The following SLCO4A1 variants were observed in gnomAD, a reference collection of about 807,000 sequenced individuals.
The protein encoded by SLCO4A1 is solute carrier organic anion transporter family member 4A1.
A neutral mutation model predicts 64.6 loss-of-function variants in SLCO4A1; 51 were observed. The ratio of observed to expected loss-of-function variants is 0.79; its 90% CI spans 0.63 to 1.00. SLCO4A1 has a LOEUF of 1.00. SLCO4A1 is among the 50% of genes least tolerant of loss of function. The pLI, the probability that SLCO4A1 is intolerant of heterozygous loss-of-function variation, is 0.00. For missense variants in SLCO4A1, 919 were observed against 980.5 expected (o/e 0.94, Z 0.84); for synonymous variants, 471 against 444.9 (o/e 1.06, Z -0.74).
intron 2 of SLCO4A1, among the ~76,000 whole-genome samples, chr20:62,683,505 G>A (rs1002551440): frequency 2.6e-5 from 4 of 152,276 alleles, no homozygotes; most frequent in East Asian, 3.9e-4. Context: ...ATACAGTCAC[G>A]TACCCTGGAA....
Position 62,661,635 on chromosome 20 carries a change from A to C in SLCO4A1, c.1121+460A>C, listed in dbSNP as rs1266630904. Among the ~76,000 whole-genome samples the C allele has an allele frequency of 2.3e-5, 3 of 129,266 alleles. No individual in the cohort carries two copies. Among genetic ancestry groups the C allele is most frequent in the African/African-American group, 5.8e-5 (2 of 34,222 alleles). The allele number at this position is 129,266 out of a possible 152,430, so 84.8% of individuals were successfully genotyped here. On this transcript the variant is annotated intron_variant, in intron 5 of 11. Transcript: ENST00000217159. This position sits in a 1 kb window ranked among gnomAD's most constrained non-coding sequence, Gnocchi z 5.2. ...TTTCATCAGGTGTCACCTGTGCCGT[A>C]CCCCCCGGGCCCTGGGATGCTGCCC...
At chr20:62,665,245 C>T (rs1985892753) in intron 6 of SLCO4A1, 157 bp downstream of exon 6, 2 of 721,082 alleles carry the variant, frequency 2.8e-6, no homozygotes, top group Non-Finnish European at 4.4e-6. Context: ...GCCACGGGGG[C>T]TGAGCGACTC....
At position 62,664,946 on chromosome 20, in the gene SLCO4A1, C is replaced by T. The variant is rs1985817006; in HGVS notation, c.1134C>T (p.Leu378=). Reference sequence around the variant, plus strand: ...CACCTCTGCCCAGCTCCATCTGGCTCCTGCTGAAGAACCCCACGTTCATCC... The same window carrying T: ...CACCTCTGCCCAGCTCCATCTGGCTTCTGCTGAAGAACCCCACGTTCATCC... ...TIRDLPLSIW[L]LLKNPTFILL... Residue 378 remains leucine, a synonymous_variant, in exon 6 of 12, where the codon CTC becomes CTT. Coordinates refer to ENST00000217159, the MANE Select transcript of SLCO4A1 (RefSeq NM_016354.4). 1.2e-6 allele frequency: 2 copies of T among 1,609,082 alleles called. No homozygotes were observed. Among genetic ancestry groups the T allele is most frequent in the Non-Finnish European group, 8.5e-7 (1 of 1,177,732 alleles).
At chr20:62,663,187 C>T (rs1985376507) in intron 5 of SLCO4A1, 1 of 152,230 alleles carries the variant, frequency 6.6e-6, no homozygotes, top group Admixed American at 6.5e-5. Context: ...CCAACATCAG[C>T]TCTGCAAGGC....
chr20:62,666,739 A>T, intron 7 of SLCO4A1, 164 bp downstream of exon 7: 1 of 646,238 alleles, frequency 1.5e-6, no homozygotes, highest in East Asian at 2.7e-5. Context: ...ACCCGGCAGC[A>T]TCCACGTGAA....
intron 7 of SLCO4A1, 23 bp from the exon 8 acceptor site, chr20:62,667,722 A>G: frequency 6.3e-7 from 1 of 1,596,784 alleles, no homozygotes; most frequent in Non-Finnish European, 8.5e-7. Flanking sequence ...GGACCCTACC[A>G]CTCGCTTGTC....
chr20:62,659,025 G>A (rs1168901836), intron 3 of SLCO4A1, among the ~76,000 whole-genome samples: 1 of 152,248 alleles, frequency 6.6e-6, no homozygotes, highest in East Asian at 1.9e-4. Flanking sequence ...AAAGCCCAGC[G>A]AGCCCTGGCC....
chr20:62,683,502 C>A lies in SLCO4A1; in HGVS notation n.212-1939C>A, dbSNP rs530080075. Among the ~76,000 whole-genome samples the A allele has an allele frequency of 1.5e-4, 23 of 152,262 alleles. 1 individual carries two copies. The South Asian group carries it at 4.4e-3, about 29-fold the overall frequency. ...ACAGTGAGGACTGCAAGAATACAGT[C>A]ACGTACCCTGGAACAATGTTCAGGC... is the stretch of plus-strand genomic sequence containing the variant. On this transcript the variant is annotated intron_variant and non_coding_transcript_variant, in intron 2 of 2. Coordinates refer to the SLCO4A1 transcript ENST00000466818.
chr20:62,682,649 C>CCACACA (rs10552847), intron 2 of SLCO4A1, among the ~76,000 whole-genome samples: 1,690 of 150,786 alleles, frequency 0.011, 15 homozygotes, highest in African/African-American at 0.018. Flanking sequence ...GACCATGTGA[C>CCACACA]CACACACACA....
At chr20:62,660,723 T>G (rs1394450571) in intron 4 of SLCO4A1, among the ~76,000 whole-genome samples, 190 bp downstream of exon 4, 9 of 152,210 alleles carry the variant, frequency 5.9e-5, no homozygotes, top group Non-Finnish European at 8.8e-5. Context: ...GCAGGTTGTG[T>G]GTCCATCCTG....
In SLCO4A1 at chr20:62,668,510, G is replaced by A; in HGVS notation, c.1845G>A (p.Leu615=). The change falls in exon 10 of 12, where the codon CTG becomes CTA. Residue 615 remains leucine, a synonymous_variant. Transcript: ENST00000217159. ...CVRDPQRSFA[L]GIQWIVVRIL... ...GTGACCCTCAGAGATCCTTTGCCCTGGGAATCCAGTGGATTGTAGTTAGAA... is the reference window on the plus strand; with the variant it reads ...GTGACCCTCAGAGATCCTTTGCCCTAGGAATCCAGTGGATTGTAGTTAGAA... 6.2e-7 allele frequency: 1 copy of A among 1,613,934 alleles called. No homozygotes were observed. Among genetic ancestry groups the A allele is most frequent in the Non-Finnish European group, 8.5e-7 (1 of 1,179,964 alleles).
intron 3 of SLCO4A1, among the ~76,000 whole-genome samples, chr20:62,659,081 C>A (rs988375059): frequency 1.3e-5 from 2 of 152,210 alleles, no homozygotes; most frequent in African/African-American, 4.8e-5. Flanking sequence ...CTTTTCCTTT[C>A]TTTGTATCTT....
At chr20:62,681,331 C>T (rs896346503) in intron 2 of SLCO4A1, among the ~76,000 whole-genome samples, 4 of 152,344 alleles carry the variant, frequency 2.6e-5, no homozygotes, top group East Asian at 1.9e-4. Flanking sequence ...AACAGCCAGC[C>T]CATCAACCTT....
chr20:62,667,467 C>G, intron 7 of SLCO4A1: 4 of 463,012 alleles, frequency 8.6e-6, no homozygotes, highest in Admixed American at 3.7e-5. Flanking sequence ...GTTGCCTGTC[C>G]AAAAACAAAT....
At chr20:62,666,346 C>T in intron 6 of SLCO4A1, 34 bp from the exon 7 acceptor site, 1 of 1,599,548 alleles carries the variant, frequency 6.3e-7, no homozygotes, top group Non-Finnish European at 8.5e-7. Context: ...GGCCCCCTGC[C>T]TGAGTCCCTG....
At chr20:62,676,059 G>A (rs991893985), downstream of SLCO4A1, among the ~76,000 whole-genome samples, 1 of 152,208 alleles carries the variant, frequency 6.6e-6, no homozygotes, top group Admixed American at 6.5e-5. Flanking sequence ...AGGAGCAGCT[G>A]GAAACGTCAA....
In SLCO4A1 at chr20:62,656,857, T is replaced by C. The variant is rs761775669; in HGVS notation, c.403T>C (p.Tyr135His). ...AGTCATCACCTCCCTGGAGCGCCGC[T>C]ATGACCTGCACAGCTACCAGAGCGG... is the stretch of plus-strand genomic sequence containing the variant. ...NTVITSLERRYDLHSYQSGLI... is the reference protein window; with the variant it reads ...NTVITSLERRHDLHSYQSGLI... The change falls in exon 2 of 12, where the codon TAT becomes CAT. Residue 135 changes from tyrosine to histidine, a missense_variant. Physicochemically the swap from Tyr to His is moderately conservative, Grantham distance 83. Transcript: ENST00000217159. 6.2e-7 allele frequency: 1 copy of C among 1,602,674 alleles called. No individual in the cohort carries two copies. The highest frequency in any genetic ancestry group is 8.5e-7 in the Non-Finnish European group (1 of 1,172,378).
chr20:62,666,246 GC>G, intron 6 of SLCO4A1, 133 bp from the exon 7 acceptor site: 2 of 692,536 alleles, frequency 2.9e-6, no homozygotes, highest in Non-Finnish European at 4.9e-6. Context: ...GGTGTTGAGT[GC>G]TGCCATGCAG....
chr20:62,683,138 G>A lies in SLCO4A1; in HGVS notation n.212-2303G>A, dbSNP rs548643799. Among the ~76,000 whole-genome samples, 12 of 152,354 alleles carry A rather than the reference G, an allele frequency of 7.9e-5. No individual in the cohort carries two copies. In the East Asian group the frequency reaches 1.7e-3, roughly 22 times the overall value. On this transcript the variant is annotated intron_variant and non_coding_transcript_variant, in intron 2 of 2. Transcript: ENST00000466818. ...ATTTTAATCGGCAGCACATTAGAAA[G>A]GCGCATGTGATCACCGTTTAATGAC...
Sources: allele counts gnomAD v4.1 joint callset (sites outside exome capture counted in the v4.1 genomes callset), GRCh38; gene constraint gnomAD v4.1.1; non-coding constraint Gnocchi (gnomAD v3.1); transcripts MANE v1.5; gene names NCBI Gene and HGNC (gene_info 2026-07-23, HGNC 2026-07-21).